The following ABL1 variants were observed in gnomAD, a reference collection of about 807,000 sequenced individuals.
ABL1 encodes the protein tyrosine-protein kinase ABL1.
In ABL1, 11 loss-of-function variants were observed where a neutral mutation model predicts 94.7. The ratio of observed to expected loss-of-function variants is 0.12; its 90% CI spans 0.07 to 0.19. ABL1 has a LOEUF of 0.19. Ranked by LOEUF, ABL1 falls within the 10% of genes least tolerant of loss-of-function variation. ABL1 has a pLI of 1.00. For missense variants in ABL1, 1,082 were observed against 1,489.4 expected, an observed-to-expected ratio of 0.73 and a Z score of 4.50; for synonymous variants, 656 against 622.4, an observed-to-expected ratio of 1.05 and a Z score of -0.80.
chr9:130,878,494 G>T lies in ABL1; in HGVS notation c.1350G>T (p.Glu450Asp). Residue 450 changes from glutamate (E) to aspartate (D), a missense_variant, in exon 8 of 11, where the codon GAG (glutamate) becomes GAT (aspartate). By Grantham distance (45) the Glu-to-Asp change is conservative (BLOSUM62 2). Around this residue, in one of 7 missense-constraint regions of ABL1, gnomAD observed 76 missense variants for 177.1 expected, o/e 0.43. Transcript: ENST00000318560. ...YPGIDLSQVY[E>D]LLEKDYRMER... ...GAATTGACCTGTCCCAGGTGTATGA[G>T]CTGCTAGAGAAGGACTACCGCATGG... is the stretch of plus-strand genomic sequence containing the variant. The T allele has an allele frequency of 6.2e-7, 1 of 1,614,236 alleles. No individual in the cohort carries two copies. Among genetic ancestry groups the T allele is most frequent in the East Asian group, 2.2e-5 (1 of 44,888 alleles).
chr9:130,746,220 G>A (rs1302667984), intron 1 of ABL1, among the ~76,000 whole-genome samples: 2 of 60,936 alleles, frequency 3.3e-5, no homozygotes, highest in Non-Finnish European at 5.4e-5. Context: ...AGAATTTAAT[G>A]CGTTTTTTTT....
At chr9:130,809,381 T>TGA (rs370101656) in intron 1 of ABL1, among the ~76,000 whole-genome samples, 5,277 of 132,458 alleles carry the variant, frequency 0.04, 126 homozygotes, top group Non-Finnish European at 0.052. Flanking sequence ...TGAAGGTTCT[T>TGA]GAGAGAGAGA....
chr9:130,884,426 C>T lies in ABL1; in HGVS notation c.2136C>T (p.Arg712=). The change falls in exon 11 of 11, where the codon CGC becomes CGT. Residue 712 remains arginine (R), a synonymous_variant. Transcript: ENST00000318560. This position sits in a 1 kb window ranked among gnomAD's most constrained non-coding sequence, Gnocchi z 5.6. ...EEEGGGSSSK[R]FLRSCSASCV... ...AGGGCGGTGGCAGCTCCAGCAAGCGCTTCCTGCGCTCTTGCTCCGCCTCCT... is the reference window on the plus strand; with the variant it reads ...AGGGCGGTGGCAGCTCCAGCAAGCGTTTCCTGCGCTCTTGCTCCGCCTCCT... The T allele has an allele frequency of 6.2e-7, 1 of 1,612,410 alleles. No homozygotes were observed. The highest frequency in any genetic ancestry group is 8.5e-7 in the Non-Finnish European group (1 of 1,179,922).
intron 1 of ABL1, among the ~76,000 whole-genome samples, chr9:130,754,933 G>A (rs1449327198): frequency 6.6e-6 from 1 of 152,152 alleles, no homozygotes; most frequent in Non-Finnish European, 1.5e-5. Context: ...ATAGTCAGAG[G>A]AGTACGTGGA....
intron 1 of ABL1, among the ~76,000 whole-genome samples, chr9:130,732,876 C>T (rs536312478): frequency 1.4e-3 from 212 of 152,024 alleles, no homozygotes; most frequent in Non-Finnish European, 2.6e-3. Flanking sequence ...CTGCCAGGAG[C>T]GTGGCTTGTT....
At chr9:130,850,111 A>G (rs1177087506) in intron 1 of ABL1, among the ~76,000 whole-genome samples, 3 of 152,178 alleles carry the variant, frequency 2.0e-5, no homozygotes, top group Non-Finnish European at 4.4e-5. Flanking sequence ...CTGCTGCTGC[A>G]TATGTTCCTG....
chr9:130,841,486 G>A (rs1235320549), intron 1 of ABL1, among the ~76,000 whole-genome samples: 5 of 152,080 alleles, frequency 3.3e-5, no homozygotes, highest in African/African-American at 7.2e-5. Context: ...TATGCAGCCC[G>A]TGGGCCATGG....
chr9:130,744,707 AT>A (rs1353715795), intron 1 of ABL1, among the ~76,000 whole-genome samples: 1 of 150,708 alleles, frequency 6.6e-6, no homozygotes, highest in Non-Finnish European at 1.5e-5. Flanking sequence ...AAAAAAAAAA[AT>A]TAGCCGAGCG....
At chr9:130,808,416 G>A (rs1830160042) in intron 1 of ABL1, among the ~76,000 whole-genome samples, 1 of 151,660 alleles carries the variant, frequency 6.6e-6, no homozygotes, top group Non-Finnish European at 1.5e-5. Context: ...GCTAATTTTT[G>A]TATTTTTAGT....
intron 1 of ABL1, among the ~76,000 whole-genome samples, chr9:130,764,349 A>T (rs1392520568): frequency 6.6e-6 from 1 of 152,072 alleles, no homozygotes; most frequent in Non-Finnish European, 1.5e-5. Flanking sequence ...GTTTTATTTC[A>T]TTATTGCTGG....
At chr9:130,715,314 G>A (rs947517936) in intron 1 of ABL1, among the ~76,000 whole-genome samples, 2 of 152,130 alleles carry the variant, frequency 1.3e-5, no homozygotes, top group Non-Finnish European at 2.9e-5. Context: ...TTTGGATTGT[G>A]TCCTTTATAT....
chr9:130,878,955 T>TC (rs1324963442), intron 8 of ABL1, among the ~76,000 whole-genome samples: 1 of 151,588 alleles, frequency 6.6e-6, no homozygotes, highest in African/African-American at 2.4e-5. Flanking sequence ...TTGGCTCACT[T>TC]CAACCTCCAC....
In ABL1 at chr9:130,787,692, C is replaced by T. The variant is rs375507840; in HGVS notation, c.137-66372C>T. ...GTCGTCACGAGCACCTGGTAGTGGC[C>T]CATGGAAAAGGGTTTGCAAGTGAGT... On this transcript the variant is annotated intron_variant, in intron 1 of 10. Transcript: ENST00000372348. Among the ~76,000 whole-genome samples, 39 of 152,150 alleles carry T rather than the reference C, an allele frequency of 2.6e-4. 1 individual carries two copies. In the East Asian group the frequency reaches 5.2e-3, roughly 20 times the overall value.
chr9:130,878,838 C>T (rs1352535441), intron 8 of ABL1, among the ~76,000 whole-genome samples: 1 of 151,246 alleles, frequency 6.6e-6, no homozygotes, highest in East Asian at 1.9e-4. Context: ...CCTGCTTTCA[C>T]AGACATTCTG....
At chr9:130,817,979 C>T (rs555162800) in intron 1 of ABL1, among the ~76,000 whole-genome samples, 2 of 152,230 alleles carry the variant, frequency 1.3e-5, no homozygotes, top group East Asian at 1.9e-4. Flanking sequence ...ATTGCTAGGT[C>T]GTAGGATAAG....
At chr9:130,869,162 G>A (rs541115561) in intron 4 of ABL1, among the ~76,000 whole-genome samples, 20 of 128,608 alleles carry the variant, frequency 1.6e-4, no homozygotes, top group African/African-American at 6.3e-4. Context: ...GCAAGACTCC[G>A]TCTCAAAAAA....
intron 1 of ABL1, among the ~76,000 whole-genome samples, chr9:130,725,767 G>GTA (rs540038452): frequency 3.8e-4 from 54 of 142,004 alleles, no homozygotes; most frequent in Non-Finnish European, 4.6e-4. Context: ...CATTGTGTGT[G>GTA]TATATATATA....
intron 1 of ABL1, among the ~76,000 whole-genome samples, chr9:130,742,033 A>T (rs1831826669): frequency 6.6e-6 from 1 of 151,964 alleles, no homozygotes; most frequent in Non-Finnish European, 1.5e-5. Flanking sequence ...TTGGGAAGAG[A>T]AGGGAACCTA....
rs1831390750 is a variant in ABL1 at position 130,878,521 on chromosome 9, G to A, written c.1377G>A (p.Glu459=). The stretch of plus-strand genomic sequence containing the variant: ...TGCTAGAGAAGGACTACCGCATGGA[G>A]CGCCCAGAAGGCTGCCCAGAGAAGG... ...YELLEKDYRM[E]RPEGCPEKVY... The change falls in exon 8 of 11, where the codon GAG becomes GAA. Residue 459 remains glutamate, a synonymous_variant. Coordinates refer to ENST00000318560, the MANE Select transcript of ABL1 (RefSeq NM_005157.6). The A allele has an allele frequency of 5.6e-6, 9 of 1,614,124 alleles. No individual in the cohort carries two copies. The highest frequency in any genetic ancestry group is 6.8e-6 in the Non-Finnish European group (8 of 1,180,052).
Sources: gnomAD v4.1 joint callset for allele counts (sites outside exome capture counted in the v4.1 genomes callset) on GRCh38, gnomAD v4.1.1 for gene constraint, gnomAD v4.1.1 regional missense constraint, Gnocchi (gnomAD v3.1) non-coding constraint, MANE v1.5 for transcripts, NCBI Gene and HGNC (gene_info 2026-07-23, HGNC 2026-07-21) for gene names.